The following SHISA6 variants were observed in gnomAD, a reference collection of about 807,000 sequenced individuals.
SHISA6 encodes shisa family member 6, also known as protein shisa-6.
A neutral mutation model predicts 47.9 loss-of-function variants in SHISA6; 22 were observed. The observed-to-expected ratio is 0.46, with a 90% CI of 0.33 to 0.66. SHISA6 has a LOEUF of 0.66. SHISA6 is among the 30% of genes least tolerant of loss of function. SHISA6 has a pLI of 0.02. For synonymous variants in SHISA6, 388 were observed against 337.8 expected (o/e 1.15, Z -1.63); for missense variants, 680 against 764.6 (o/e 0.89, Z 1.30).
intron 3 of SHISA6, among the ~76,000 whole-genome samples, chr17:11,406,133 C>G (rs371166154): frequency 4.2e-4 from 64 of 152,308 alleles, no homozygotes; most frequent in Middle Eastern, 3.4e-3. Context: ...CTTGGCTTCT[C>G]TGTCTCTCTC....
chr17:11,330,309 A>G (rs1036213002), intron 2 of SHISA6, among the ~76,000 whole-genome samples: 1 of 152,160 alleles, frequency 6.6e-6, no homozygotes, highest in Non-Finnish European at 1.5e-5. Flanking sequence ...TCTTGTGGAA[A>G]GAGGCTGATG....
At chr17:11,272,162 C>G (rs1908698486) in intron 2 of SHISA6, among the ~76,000 whole-genome samples, 1 of 152,172 alleles carries the variant, frequency 6.6e-6, no homozygotes, top group African/African-American at 2.4e-5. Context: ...ATCAGAAACC[C>G]TGCCACTCCT....
intron 2 of SHISA6, among the ~76,000 whole-genome samples, chr17:11,311,798 CAG>C (rs1282898929): frequency 6.6e-6 from 1 of 151,136 alleles, no homozygotes; most frequent in African/African-American, 2.4e-5. Flanking sequence ...TTTTTTGAGA[CAG>C]AGTCTCACTC....
chr17:11,482,967 C>T (rs574804492), intron 3 of SHISA6, among the ~76,000 whole-genome samples: 116 of 152,066 alleles, frequency 7.6e-4, no homozygotes, highest in African/African-American at 2.6e-3. Flanking sequence ...TCTCATACAA[C>T]TAATGGTATG....
At chr17:11,555,617 C>T in intron 4 of SHISA6, 123 bp from the exon 5 acceptor site, 3 of 1,149,952 alleles carry the variant, frequency 2.6e-6, no homozygotes, top group Non-Finnish European at 3.5e-6. Flanking sequence ...ATAGTATCAC[C>T]TATGTCCAAG....
intron 2 of SHISA6, among the ~76,000 whole-genome samples, chr17:11,344,276 CTT>C (rs1023525870): frequency 6.6e-6 from 1 of 152,054 alleles, no homozygotes; most frequent in African/African-American, 2.4e-5. Context: ...TGTAAGTTGT[CTT>C]TTAACTTTTC....
In SHISA6 at chr17:11,397,674, C is replaced by T. The variant is rs12948569; in HGVS notation, c.895+18165C>T. Among the ~76,000 whole-genome samples, 9 of 144,188 alleles carry T rather than the reference C, an allele frequency of 6.2e-5. No homozygotes were observed. The East Asian group carries it at 1.6e-3, about 26-fold the overall frequency. The allele number at this position is 144,188 out of a possible 152,430, so 94.6% of individuals were successfully genotyped here. A position where few individuals can be genotyped will look rare whatever the true frequency, so the allele number is the denominator to read the frequency against. On this transcript the variant is annotated intron_variant, in intron 3 of 5. Coordinates refer to ENST00000441885, the MANE Select transcript of SHISA6 (RefSeq NM_207386.4). ...CATTGTTGCCTTGCTTTCTATGTTA[C>T]TTTTTTTTTTTTTGAGACGTCTGAT...
chr17:11,311,634 A>G (rs1475463959), intron 2 of SHISA6, among the ~76,000 whole-genome samples: 1 of 152,206 alleles, frequency 6.6e-6, no homozygotes, highest in African/African-American at 2.4e-5. Context: ...TTTTTAAATT[A>G]TACTTTAAAA....
intron 3 of SHISA6, among the ~76,000 whole-genome samples, chr17:11,416,278 A>G (rs921220968): frequency 6.6e-6 from 1 of 152,206 alleles, no homozygotes; most frequent in African/African-American, 2.4e-5. Context: ...TGTAATATTC[A>G]TTAACATTTA....
intron 2 of SHISA6, among the ~76,000 whole-genome samples, chr17:11,378,536 T>C (rs1003517208): frequency 2.6e-5 from 4 of 152,266 alleles, no homozygotes; most frequent in African/African-American, 9.6e-5. Flanking sequence ...GTACATACTT[T>C]AGGAGGGCAT....
chr17:11,308,971 T>A (rs560187435), intron 2 of SHISA6, among the ~76,000 whole-genome samples: 9 of 152,276 alleles, frequency 5.9e-5, no homozygotes, highest in African/African-American at 2.2e-4. Flanking sequence ...CGTGGCTTTT[T>A]AAATTTTTTT....
chr17:11,502,790 G>A (rs1049316589), intron 3 of SHISA6, among the ~76,000 whole-genome samples: 1 of 152,206 alleles, frequency 6.6e-6, no homozygotes, highest in Non-Finnish European at 1.5e-5. Flanking sequence ...TTCCGGGGTT[G>A]GCAAAGCAAA....
intron 3 of SHISA6, among the ~76,000 whole-genome samples, chr17:11,467,083 C>T (rs1230203453): frequency 6.6e-6 from 1 of 152,210 alleles, no homozygotes; most frequent in Non-Finnish European, 1.5e-5. Flanking sequence ...CCTCTCACTA[C>T]CATCAATGAC....
intron 3 of SHISA6, among the ~76,000 whole-genome samples, chr17:11,423,618 T>C (rs111348203): frequency 3.3e-5 from 5 of 151,850 alleles, no homozygotes; most frequent in African/African-American, 1.2e-4. Context: ...AGCAGAAATA[T>C]ACTAGAAAGG....
chr17:11,453,415 C>G (rs73977316), intron 3 of SHISA6, among the ~76,000 whole-genome samples: 4,009 of 152,260 alleles, frequency 0.026, 197 homozygotes, highest in African/African-American at 0.092. Flanking sequence ...TTCCAGAGAC[C>G]CTCAGCGGGA....
intron 3 of SHISA6, among the ~76,000 whole-genome samples, chr17:11,454,974 T>C (rs774856517): frequency 4.6e-5 from 7 of 151,902 alleles, no homozygotes; most frequent in Non-Finnish European, 8.8e-5. Flanking sequence ...TCAAGACCAT[T>C]CTGGCTAACA....
At chr17:11,355,868 G>GT (rs1352412453) in intron 2 of SHISA6, among the ~76,000 whole-genome samples, 2 of 152,186 alleles carry the variant, frequency 1.3e-5, no homozygotes, top group Non-Finnish European at 2.9e-5. Context: ...TCTGCCTAAT[G>GT]ATTAAGACAC....
intron 2 of SHISA6, among the ~76,000 whole-genome samples, chr17:11,306,219 T>G (rs1910103423): frequency 6.6e-6 from 1 of 152,124 alleles, no homozygotes; most frequent in African/African-American, 2.4e-5. Flanking sequence ...TCTCATGAGG[T>G]CTGGATTCCC....
chr17:11,552,158 C>T (rs1437397218), intron 4 of SHISA6, among the ~76,000 whole-genome samples: 4 of 152,132 alleles, frequency 2.6e-5, no homozygotes, highest in Non-Finnish European at 4.4e-5. Flanking sequence ...TTTCTGTCTC[C>T]GATATCAGAA....
Sources: allele counts gnomAD v4.1 joint callset (sites outside exome capture counted in the v4.1 genomes callset), GRCh38; gene constraint gnomAD v4.1.1; transcripts MANE v1.5; gene names NCBI Gene and HGNC (gene_info 2026-07-23, HGNC 2026-07-21).